The following CNTNAP4 variants were observed in gnomAD, a reference collection of about 807,000 sequenced individuals.
CNTNAP4 encodes the protein contactin-associated protein-like 4.
CNTNAP4 carries 98 observed loss-of-function variants against 148.4 expected under a neutral mutation model. The observed-to-expected ratio is 0.66, with a 90% CI of 0.56 to 0.78. CNTNAP4 has a LOEUF of 0.78. CNTNAP4 is among the 30% of genes least tolerant of loss of function. CNTNAP4 has a pLI of 0.00. For synonymous variants in CNTNAP4, 730 were observed against 565.1 expected, an observed-to-expected ratio of 1.29 and a Z score of -4.14; for missense variants, 1,935 against 1,565.6, an observed-to-expected ratio of 1.24 and a Z score of -3.98.
chr16:76,334,448 T>G (rs1310163547), intron 2 of CNTNAP4, among the ~76,000 whole-genome samples: 1 of 152,196 alleles, frequency 6.6e-6, no homozygotes, highest in Non-Finnish European at 1.5e-5. Context: ...ACGTTCACTC[T>G]TAATCCCCAA....
chr16:76,386,211 C>T (rs2016501741), intron 3 of CNTNAP4, among the ~76,000 whole-genome samples: 1 of 152,140 alleles, frequency 6.6e-6, no homozygotes, highest in Admixed American at 6.6e-5. Flanking sequence ...TGAGAAAGAA[C>T]TGTAATTTAC....
chr16:76,439,727 C>T (rs79854376), intron 4 of CNTNAP4, among the ~76,000 whole-genome samples: 8,207 of 152,162 alleles, frequency 0.054, 301 homozygotes, highest in African/African-American at 0.12. Context: ...GGCACCTTTT[C>T]CCTGTGGTTA....
At chr16:76,342,841 C>T (rs929202162) in intron 2 of CNTNAP4, among the ~76,000 whole-genome samples, 1 of 152,136 alleles carries the variant, frequency 6.6e-6, no homozygotes, top group Admixed American at 6.5e-5. Flanking sequence ...TTTCAGAAAA[C>T]AGATATAATA....
chr16:76,354,777 A>T (rs189629868), intron 2 of CNTNAP4, among the ~76,000 whole-genome samples: 1 of 152,364 alleles, frequency 6.6e-6, no homozygotes, highest in Non-Finnish European at 1.5e-5. Flanking sequence ...GGTTTTCAAC[A>T]TCTGTCCCTC....
At chr16:76,488,312 G>A (rs1399536844) in intron 12 of CNTNAP4, among the ~76,000 whole-genome samples, 2 of 152,192 alleles carry the variant, frequency 1.3e-5, no homozygotes, top group African/African-American at 4.8e-5. Context: ...TCATTGGCTG[G>A]TAGATTAAGT....
At chr16:76,463,777 T>A (rs1023999271) in intron 9 of CNTNAP4, among the ~76,000 whole-genome samples, 1 of 152,184 alleles carries the variant, frequency 6.6e-6, no homozygotes, top group Non-Finnish European at 1.5e-5. Context: ...TGATCTCCTA[T>A]GTAAATGCTC....
At chr16:76,277,962 C>T (rs1175345952) in intron 1 of CNTNAP4, among the ~76,000 whole-genome samples, 1 of 152,190 alleles carries the variant, frequency 6.6e-6, no homozygotes, top group African/African-American at 2.4e-5. Context: ...CTCTTTTTGT[C>T]TACTCGCAGA....
chr16:76,540,732 C>T lies in CNTNAP4; in HGVS notation c.3384C>T (p.His1128=), dbSNP rs748840454. The T allele has an allele frequency of 1.9e-6, 3 of 1,576,144 alleles. No individual in the cohort carries two copies. Among genetic ancestry groups the T allele is most frequent in the South Asian group, 1.2e-5 (1 of 85,694 alleles). Residue 1128 remains histidine (H), a synonymous_variant, in exon 21 of 24, where the codon CAC becomes CAT. Transcript: ENST00000611870. The stretch of plus-strand genomic sequence containing the variant: ...ACGATAATAGAAGGAGACAAGTTCA[C>T]CTGTCATCAGGCACAGAATTCAGTG... The part of the protein sequence containing the change: ...EIDDNRRRQV[H]LSSGTEFSAV...
chr16:76,309,831 G>T, intron 1 of CNTNAP4: 1 of 700,226 alleles, frequency 1.4e-6, no homozygotes. Context: ...GTTGCTCAGG[G>T]GTTTCCGCTT....
intron 17 of CNTNAP4, among the ~76,000 whole-genome samples, chr16:76,529,843 C>CTCTGTG (rs1555595408): frequency 7.1e-4 from 106 of 148,460 alleles, no homozygotes; most frequent in African/African-American, 2.4e-3. Context: ...TGAATCTCAG[C>CTCTGTG]TGTGTGTGTG....
intron 3 of CNTNAP4, among the ~76,000 whole-genome samples, chr16:76,408,202 AT>A (rs2078667557): frequency 6.6e-6 from 1 of 152,120 alleles, no homozygotes; most frequent in African/African-American, 2.4e-5. Flanking sequence ...TTATTGCAAA[AT>A]ATTCACTTTA....
At chr16:76,489,005 A>G (rs1301250485) in intron 12 of CNTNAP4, among the ~76,000 whole-genome samples, 2 of 152,152 alleles carry the variant, frequency 1.3e-5, no homozygotes, top group East Asian at 1.9e-4. Flanking sequence ...GTAACTTCCT[A>G]TTGAACTGCC....
chr16:76,479,321 C>T (rs900635267), intron 11 of CNTNAP4, 98 bp from the exon 12 acceptor site: 30 of 1,109,834 alleles, frequency 2.7e-5, no homozygotes, highest in African/African-American at 4.8e-5. Flanking sequence ...CAGTAATGTA[C>T]ATTTTAAATT....
intron 1 of CNTNAP4, among the ~76,000 whole-genome samples, chr16:76,310,770 G>A (rs1279472075): frequency 6.6e-6 from 1 of 151,990 alleles, no homozygotes; most frequent in Non-Finnish European, 1.5e-5. Context: ...TGGCAACTAA[G>A]CTGAATACTG....
intron 10 of CNTNAP4, among the ~76,000 whole-genome samples, chr16:76,468,483 A>G (rs898381702): frequency 2.6e-5 from 4 of 151,952 alleles, no homozygotes; most frequent in African/African-American, 9.7e-5. Flanking sequence ...CAAAATAAAT[A>G]AATAAATAAA....
In CNTNAP4 at chr16:76,522,225, T is replaced by A. The variant is rs1192111083; in HGVS notation, c.2723T>A (p.Val908Asp). 6.2e-7 allele frequency: 1 copy of A among 1,613,964 alleles called. No individual in the cohort carries two copies. The highest frequency in any genetic ancestry group is 1.1e-5 in the South Asian group (1 of 91,082). Residue 908 changes from valine to aspartate, a missense_variant, in exon 17 of 24, where the codon GTC (valine) becomes GAC (aspartate). By Grantham distance (152) the Val-to-Asp change is radical (BLOSUM62 -3). Coordinates refer to ENST00000611870, the MANE Select transcript of CNTNAP4 (RefSeq NM_033401.5). ...KTQPAPADGH[V>D]LLQLNSQLFV... Reference sequence around the variant, plus strand: ...CAGCCCGCCCCCGCTGATGGGCATGTCCTGTTACAGCTCAACAGTCAGCTC... The same window carrying A: ...CAGCCCGCCCCCGCTGATGGGCATGACCTGTTACAGCTCAACAGTCAGCTC...
At chr16:76,385,457 A>ATTTT (rs10642003) in intron 3 of CNTNAP4, among the ~76,000 whole-genome samples, 1 of 152,018 alleles carries the variant, frequency 6.6e-6, no homozygotes, top group African/African-American at 2.4e-5. Context: ...AACAACTGTA[A>ATTTT]TTTTTCTTCA....
chr16:76,463,768 G>A (rs1420590862), intron 9 of CNTNAP4, among the ~76,000 whole-genome samples: 1 of 151,988 alleles, frequency 6.6e-6, no homozygotes, highest in Non-Finnish European at 1.5e-5. Flanking sequence ...CATATCTTTT[G>A]ATCTCCTATG....
intron 4 of CNTNAP4, 66 bp downstream of exon 4, chr16:76,427,665 C>G (rs1284072277): frequency 7.0e-7 from 1 of 1,421,098 alleles, no homozygotes; most frequent in East Asian, 2.5e-5. Context: ...AGCCAAACTA[C>G]AAACTGAAAT....
Sources: allele counts gnomAD v4.1 joint callset (sites outside exome capture counted in the v4.1 genomes callset), GRCh38; gene constraint gnomAD v4.1.1; transcripts MANE v1.5; gene names NCBI Gene and HGNC (gene_info 2026-07-23, HGNC 2026-07-21).